Variants in CHL1 observed in about 807,000 individuals in gnomAD.
CHL1 encodes neural cell adhesion molecule L1-like protein.
Under a neutral mutation model 141.9 loss-of-function variants are expected in CHL1, and 96 were observed. The ratio of observed to expected loss-of-function variants is 0.68; its 90% confidence interval spans 0.57 to 0.80. The LOEUF is 0.80. Ranked by LOEUF, CHL1 falls within the 30% of genes least tolerant of loss-of-function variation. CHL1 has a pLI of 0.00. For synonymous variants in CHL1, 613 were observed against 502.2 expected, an observed-to-expected ratio of 1.22 and a Z score of -2.95; for missense variants, 1,820 against 1,457.2, an observed-to-expected ratio of 1.25 and a Z score of -4.05.
intron 11 of CHL1, among the ~76,000 whole-genome samples, chr3:355,542 C>A (rs559753078): frequency 1.3e-5 from 2 of 152,180 alleles, no homozygotes; most frequent in African/African-American, 2.4e-5. Flanking sequence ...CATATTTTTA[C>A]GTGTCAATTG....
chr3:323,619 G>T (rs557113636), intron 3 of CHL1, among the ~76,000 whole-genome samples: 2 of 152,076 alleles, frequency 1.3e-5, no homozygotes, highest in East Asian at 1.9e-4. Context: ...TTTTAACTAC[G>T]TTATCTGTGT....
chr3:361,027 T>C (rs1465262118), intron 12 of CHL1, among the ~76,000 whole-genome samples: 1 of 152,038 alleles, frequency 6.6e-6, no homozygotes, highest in Admixed American at 6.6e-5. Context: ...GTCTTTGCTA[T>C]TGTGAATAAT....
In CHL1 at chr3:292,966, G is replaced by A. The variant is rs115281372; in HGVS notation, c.-94-26717G>A. ...TGTGGTTGAGACAGATATCCAAGCT[G>A]TATCACCAAGTGAACTACCGAAGCT... On this transcript the variant is annotated intron_variant, in intron 2 of 27. Coordinates refer to ENST00000256509, the MANE Select transcript of CHL1 (RefSeq NM_006614.4). Among the ~76,000 whole-genome samples the A allele has an allele frequency of 5.9e-3, 902 of 152,308 alleles. 8 individuals carry two copies. The highest frequency in any genetic ancestry group is 7.4e-3 in the Non-Finnish European group (502 of 68,020).
intron 1 of CHL1, among the ~76,000 whole-genome samples, chr3:240,982 C>T (rs1351626052): frequency 6.6e-6 from 1 of 152,190 alleles, no homozygotes; most frequent in Middle Eastern, 3.4e-3. Flanking sequence ...AAGTACCATG[C>T]TGTTTTGGTG....
chr3:233,890 T>G (rs1453192699), intron 1 of CHL1, among the ~76,000 whole-genome samples: 2 of 152,260 alleles, frequency 1.3e-5, no homozygotes, highest in Non-Finnish European at 1.5e-5. Context: ...CCATTGGTAG[T>G]TGGTGATATA....
At chr3:343,122 T>G in intron 8 of CHL1, 91 bp downstream of exon 8, 3 of 961,476 alleles carry the variant, frequency 3.1e-6, no homozygotes, top group East Asian at 5.0e-5. Flanking sequence ...CTCTTAAGTT[T>G]ATTACAATAC....
chr3:372,716 C>T (rs1334835975), intron 15 of CHL1, among the ~76,000 whole-genome samples: 1 of 151,976 alleles, frequency 6.6e-6, no homozygotes, highest in Non-Finnish European at 1.5e-5. Flanking sequence ...GATTCTTTCT[C>T]ATCTTCATAA....
intron 2 of CHL1, among the ~76,000 whole-genome samples, chr3:285,141 T>C (rs1480209524): frequency 1.3e-5 from 2 of 152,214 alleles, no homozygotes. Context: ...ATAAGTTTCA[T>C]TATCACCTTT....
intron 5 of CHL1, among the ~76,000 whole-genome samples, chr3:332,865 T>G (rs1478274797): frequency 6.6e-6 from 1 of 152,100 alleles, no homozygotes; most frequent in African/African-American, 2.4e-5. Context: ...ATGAGGATGA[T>G]TCCTAACCTA....
chr3:389,252 C>T lies in CHL1; in HGVS notation c.2248C>T (p.Pro750Ser), dbSNP rs1346644781. 1.9e-6 allele frequency: 3 copies of T among 1,598,256 alleles called. No homozygotes were observed. The highest frequency in any genetic ancestry group is 2.6e-6 in the Non-Finnish European group (3 of 1,171,654). The part of the protein sequence containing the change: ...QPKEMIIKWE[P>S]LKSMEQNGPG... ...AAATGAGTCTTGCCTTCTGTTTTAG[C>T]CTTTGAAATCCATGGAGCAGAATGG... Residue 750 changes from proline to serine, a missense_variant and splice_region_variant, in exon 20 of 28, where the codon CCT becomes TCT. Pro to Ser is a moderately conservative substitution (Grantham distance 74). Coordinates refer to ENST00000256509, the MANE Select transcript of CHL1 (RefSeq NM_006614.4).
intron 2 of CHL1, among the ~76,000 whole-genome samples, chr3:270,559 G>T (rs1018203432): frequency 6.6e-6 from 1 of 152,140 alleles, no homozygotes; most frequent in Admixed American, 6.5e-5. Flanking sequence ...TGAAGTTTCC[G>T]TTGAACCAAG....
At chr3:222,714 GAT>G (rs1439449551) in intron 1 of CHL1, among the ~76,000 whole-genome samples, 1 of 152,074 alleles carries the variant, frequency 6.6e-6, no homozygotes, top group Non-Finnish European at 1.5e-5. Flanking sequence ...TAGATAATGA[GAT>G]AACAGGGAAG....
intron 2 of CHL1, among the ~76,000 whole-genome samples, chr3:265,144 A>G (rs1695046070): frequency 1.3e-5 from 2 of 152,170 alleles, no homozygotes. Context: ...TATTTAATTA[A>G]CGGGTAGCTA....
intron 22 of CHL1, 51 bp downstream of exon 22, chr3:391,210 C>A: frequency 2.9e-6 from 4 of 1,383,710 alleles, no homozygotes; most frequent in Non-Finnish European, 4.1e-6. Flanking sequence ...TGATCCATGG[C>A]CATATTAAAC....
chr3:312,260 C>T (rs932138346), intron 2 of CHL1, among the ~76,000 whole-genome samples: 4 of 152,232 alleles, frequency 2.6e-5, no homozygotes, highest in African/African-American at 7.2e-5. Context: ...CTACTGTGTA[C>T]AAAATGTGCC....
At chr3:247,382 T>C (rs1364177839) in intron 2 of CHL1, 4 of 152,080 alleles carry the variant, frequency 2.6e-5, no homozygotes, top group African/African-American at 9.7e-5. Flanking sequence ...TCATGCTCAG[T>C]TGAAATTAAT....
chr3:226,740 C>T (rs1701389418), intron 1 of CHL1, among the ~76,000 whole-genome samples: 1 of 152,114 alleles, frequency 6.6e-6, no homozygotes, highest in Admixed American at 6.5e-5. Flanking sequence ...AGCCACCGCG[C>T]CCGACCTGTA....
At chr3:317,219 A>G (rs1431001758) in intron 2 of CHL1, among the ~76,000 whole-genome samples, 2 of 152,000 alleles carry the variant, frequency 1.3e-5, no homozygotes, top group African/African-American at 4.8e-5. Flanking sequence ...TATGGGAGAG[A>G]ATTTCTTGGG....
At chr3:281,679 C>A (rs909595846) in intron 2 of CHL1, among the ~76,000 whole-genome samples, 28 of 151,942 alleles carry the variant, frequency 1.8e-4, no homozygotes, top group Non-Finnish European at 2.5e-4. Context: ...CATGCCTCAG[C>A]CCCCCAAATA....
Sources: allele counts gnomAD v4.1 joint callset (sites outside exome capture counted in the v4.1 genomes callset), GRCh38; gene constraint gnomAD v4.1.1; transcripts MANE v1.5; gene names NCBI Gene and HGNC (gene_info 2026-07-23, HGNC 2026-07-21).